Variants in CIT observed in about 807,000 individuals in gnomAD.
CIT encodes citron rho-interacting serine/threonine kinase.
Under a neutral mutation model 272.7 loss-of-function variants are expected in CIT, and 79 were observed. The ratio of observed to expected loss-of-function variants is 0.29; its 90% CI spans 0.24 to 0.35. The LOEUF (loss-of-function observed/expected upper bound fraction) is 0.35. CIT is among the 10% of genes least tolerant of loss of function. The probability of loss-of-function intolerance (pLI) is 1.00; values close to 1 mark genes in which losing one functional copy is unlikely to be tolerated. For synonymous variants in CIT, 948 were observed against 995.6 expected (o/e 0.95, Z 0.90); for missense variants, 1,909 against 2,618.3 (o/e 0.73, Z 5.91).
At chr12:119,747,267 A>T (rs188792458) in intron 23 of CIT, among the ~76,000 whole-genome samples, 80 of 152,160 alleles carry the variant, frequency 5.3e-4, no homozygotes, top group African/African-American at 1.9e-3. Context: ...CTAAAAATTT[A>T]AAAATTAGCT....
chr12:119,861,450 C>T (rs11064937), intron 3 of CIT, among the ~76,000 whole-genome samples: 3 of 151,560 alleles, frequency 2.0e-5, no homozygotes, highest in South Asian at 2.1e-4. Context: ...AGCCAGGTGT[C>T]GTGGCGCATG....
chr12:119,737,453 C>T (rs557737350), intron 24 of CIT, among the ~76,000 whole-genome samples: 1 of 151,636 alleles, frequency 6.6e-6, no homozygotes, highest in South Asian at 2.1e-4. Flanking sequence ...ACTTTGGGTA[C>T]CTGCTTTCTT....
chr12:119,743,785 A>G (rs888628864), intron 23 of CIT, among the ~76,000 whole-genome samples: 1 of 152,222 alleles, frequency 6.6e-6, no homozygotes. Context: ...AGTGAAATAC[A>G]GTATATATAC....
chr12:119,810,242 C>T (rs1966820039), intron 9 of CIT, among the ~76,000 whole-genome samples: 2 of 152,132 alleles, frequency 1.3e-5, no homozygotes, highest in Non-Finnish European at 1.5e-5. Context: ...CGGATAGTGC[C>T]AGAACTGAAC....
At chr12:119,812,745 ATT>A (rs11315906) in intron 9 of CIT, among the ~76,000 whole-genome samples, 2,393 of 128,180 alleles carry the variant, frequency 0.019, 22 homozygotes, top group Non-Finnish European at 0.022. Context: ...TTTATTCTTA[ATT>A]TTTTTTTTTT....
intron 5 of CIT, among the ~76,000 whole-genome samples, chr12:119,842,695 T>G (rs1969492065): frequency 1.3e-5 from 2 of 152,166 alleles, no homozygotes; most frequent in Admixed American, 1.3e-4. Context: ...TGGGAAATTT[T>G]TAACCATCAA....
intron 3 of CIT, among the ~76,000 whole-genome samples, chr12:119,859,399 G>A (rs953381705): frequency 6.6e-6 from 1 of 152,200 alleles, no homozygotes; most frequent in East Asian, 1.9e-4. Context: ...AGCCCTGCAA[G>A]TGGCTCACAC....
intron 28 of CIT, among the ~76,000 whole-genome samples, chr12:119,727,516 C>T (rs572343928): frequency 6.6e-6 from 1 of 152,196 alleles, no homozygotes; most frequent in Admixed American, 6.5e-5. Flanking sequence ...ACACTATTTG[C>T]GTGACAGGTA....
chr12:119,790,143 G>A (rs2137765220), intron 10 of CIT, among the ~76,000 whole-genome samples: 1 of 152,200 alleles, frequency 6.6e-6, no homozygotes, highest in Middle Eastern at 3.4e-3. Flanking sequence ...TTCGATCAAA[G>A]ACTGGCCTCA....
At position 119,697,539 on chromosome 12, in the gene CIT, G is replaced by C. The variant is rs530816205; in HGVS notation, c.5882+120C>G. 9.5e-7 allele frequency: 1 copy of C among 1,057,404 alleles called. No individual in the cohort carries two copies. Among genetic ancestry groups the C allele is most frequent in the East Asian group, 2.4e-5 (1 of 42,070 alleles). The allele number at this position is 1,057,404 out of a possible 1,614,324, so 65.5% of individuals were successfully genotyped here. A position where few individuals can be genotyped will look rare whatever the true frequency, so the allele number is the denominator to read the frequency against. ...TGCCGCAGATCGCAAACAAATGAAT[G>C]GTTTGAGCTTAAGAACAAAGTGAAG... On this transcript the variant is annotated intron_variant, in intron 46 of 47. Coordinates refer to ENST00000392521, the MANE Select transcript of CIT (RefSeq NM_001206999.2). The surrounding 1 kb of genome is among the most constrained non-coding windows in gnomAD (Gnocchi z 4.9).
intron 3 of CIT, among the ~76,000 whole-genome samples, chr12:119,864,037 T>G (rs1042441839): frequency 4.6e-5 from 7 of 151,986 alleles, no homozygotes; most frequent in African/African-American, 1.7e-4. Context: ...TTGCCAAGTC[T>G]AAGGTATCTA....
chr12:119,688,774 A>G (rs755262703), intron 47 of CIT, among the ~76,000 whole-genome samples: 3 of 152,250 alleles, frequency 2.0e-5, no homozygotes, highest in East Asian at 1.9e-4. Flanking sequence ...ATTCATGCAC[A>G]TGATTTAAAC....
At chr12:119,833,662 T>G (rs1315196976) in intron 6 of CIT, among the ~76,000 whole-genome samples, 5 of 47,420 alleles carry the variant, frequency 1.1e-4, no homozygotes, top group Non-Finnish European at 3.4e-5. Flanking sequence ...AGACTCTGTC[T>G]CAAAAAAAAA....
At chr12:119,778,476 G>C (rs1246106518) in intron 13 of CIT, among the ~76,000 whole-genome samples, 6 of 152,172 alleles carry the variant, frequency 3.9e-5, no homozygotes, top group African/African-American at 1.4e-4. Context: ...ACAATATTCA[G>C]TAACATCTCT....
At chr12:119,769,320 T>C (rs1962827590) in intron 18 of CIT, among the ~76,000 whole-genome samples, 2 of 152,232 alleles carry the variant, frequency 1.3e-5, no homozygotes, top group Admixed American at 6.5e-5. Context: ...CCTTGGTAGT[T>C]TGGCATTTTT....
chr12:119,875,466 A>G (rs796812920), intron 2 of CIT, among the ~76,000 whole-genome samples: 9 of 152,304 alleles, frequency 5.9e-5, no homozygotes, highest in African/African-American at 2.2e-4. Flanking sequence ...ATAGAGGGCC[A>G]GGTGCAGTGG....
chr12:119,840,273 G>A (rs1360845358), intron 5 of CIT, among the ~76,000 whole-genome samples: 2 of 152,170 alleles, frequency 1.3e-5, no homozygotes, highest in East Asian at 1.9e-4. Context: ...AGCTACGATC[G>A]TGCCACTGCA....
rs373256553 is a variant in CIT at position 119,764,956 on chromosome 12, G to A, written c.2304+2131C>T. On this transcript the variant is annotated intron_variant, in intron 19 of 47. Transcript: ENST00000392521. ...CAAGTAGCTGGGACTACAGGTGCAC[G>A]CCACCACGCCTGGCTAATTTTTTTG... Among the ~76,000 whole-genome samples the A allele has an allele frequency of 1.8e-3, 272 of 151,936 alleles. 2 individuals carry two copies. Among genetic ancestry groups the A allele is most frequent in the African/African-American group, 6.1e-3 (252 of 41,482 alleles).
chr12:119,829,451 C>T (rs1210926679), intron 7 of CIT, among the ~76,000 whole-genome samples: 2 of 151,384 alleles, frequency 1.3e-5, no homozygotes, highest in African/African-American at 4.9e-5. Context: ...CATCAAGTTG[C>T]CTAGGGCATA....
Sources: allele counts gnomAD v4.1 joint callset (sites outside exome capture counted in the v4.1 genomes callset), GRCh38; gene constraint gnomAD v4.1.1; non-coding constraint Gnocchi (gnomAD v3.1); transcripts MANE v1.5; gene names NCBI Gene and HGNC (gene_info 2026-07-23, HGNC 2026-07-21).